MAGI3: variants seen among roughly 807,000 people sequenced by gnomAD.
MAGI3 encodes the protein membrane-associated guanylate kinase, WW and PDZ domain-containing protein 3.
Under a neutral mutation model 121.8 loss-of-function variants are expected in MAGI3, and 43 were observed. The ratio of observed to expected loss-of-function variants is 0.35; its 90% CI spans 0.28 to 0.46. The LOEUF is 0.46. Ranked by LOEUF, MAGI3 falls within the 20% of genes least tolerant of loss-of-function variation. The pLI is 1.00. For missense variants in MAGI3, 1,547 were observed against 1,797.3 expected, an observed-to-expected ratio of 0.86 and a Z score of 2.52; for synonymous variants, 553 against 639.3, an observed-to-expected ratio of 0.86 and a Z score of 2.04.
chr1:113,546,105 A>G (rs1372796082), intron 1 of MAGI3, among the ~76,000 whole-genome samples: 3 of 152,202 alleles, frequency 2.0e-5, no homozygotes, highest in Non-Finnish European at 2.9e-5. Flanking sequence ...TATCAAAGAG[A>G]GAACCATATA....
chr1:113,391,892 G>T lies in MAGI3; in HGVS notation c.316+543G>T, dbSNP rs528079428. 1.4e-4 allele frequency among the ~76,000 whole-genome samples: 21 copies of T among 152,354 alleles called. No individual in the cohort carries two copies. Among genetic ancestry groups the T allele is most frequent in the African/African-American group, 4.8e-4 (20 of 41,578 alleles). ...CTCTGTCAGTCCAGGTGGTTCAGGT[G>T]TCTGAGTACCGATGACGGTACAATA... On this transcript the variant is annotated intron_variant, in intron 1 of 20. Coordinates refer to ENST00000307546, the MANE Select transcript of MAGI3 (RefSeq NM_001142782.2). The surrounding 1 kb of genome is among the most constrained non-coding windows in gnomAD (Gnocchi z 4.4).
intron 8 of MAGI3, 145 bp downstream of exon 8, chr1:113,619,975 TAATA>T (rs1650720530): frequency 3.7e-6 from 2 of 533,642 alleles, no homozygotes; most frequent in South Asian, 2.9e-5. Context: ...TGAATAATCT[TAATA>T]AAACATCTGA....
Position 113,390,825 on chromosome 1 carries a change from A to C in MAGI3, c.-209A>C. On this transcript the variant is annotated 5_prime_UTR_variant, in exon 1 of 21. Transcript: ENST00000307546. ...TCGCGGAGTCCGGTCAGCCCCGGGGAGCGCAGCCGGGAGGGGCGTCCAAGG... is the reference window on the plus strand; with the variant it reads ...TCGCGGAGTCCGGTCAGCCCCGGGGCGCGCAGCCGGGAGGGGCGTCCAAGG... 3.9e-6 allele frequency: 1 copy of C among 254,260 alleles called. No homozygotes were observed. 15.8% of individuals were successfully genotyped at this position (254,260 alleles called of 1,614,324 possible). A position where few individuals can be genotyped will look rare whatever the true frequency, so the allele number is the denominator to read the frequency against.
At chr1:113,571,713 G>A (rs1162484216) in intron 2 of MAGI3, among the ~76,000 whole-genome samples, 3 of 152,084 alleles carry the variant, frequency 2.0e-5, no homozygotes, top group South Asian at 2.1e-4. Context: ...TGGTGTATAG[G>A]AATGCTTGTG....
chr1:113,391,105 GC>G lies in MAGI3; in HGVS notation c.77del (p.Pro26ArgfsTer49). 6.3e-7 allele frequency: 1 copy of G among 1,582,608 alleles called. No homozygotes were observed. The highest frequency in any genetic ancestry group is 8.6e-7 in the Non-Finnish European group (1 of 1,165,094). ...AGGAGTGCGCCGTGTCCTGGGCCGG[GC>G]CCCCGGGCGACTTCGGCGCGGAGAT... is the stretch of plus-strand genomic sequence containing the variant. ...VQECAVSWAG[P>X]PGDFGAEIRG... is the part of the protein sequence containing the mutation. On this transcript the variant is annotated frameshift_variant, in exon 1 of 21. Transcript: ENST00000307546. LOFTEE classifies it high-confidence loss of function. This position sits in a 1 kb window ranked among gnomAD's most constrained non-coding sequence, Gnocchi z 4.4.
At chr1:113,616,700 C>T (rs778630386) in intron 7 of MAGI3, among the ~76,000 whole-genome samples, 24 of 151,804 alleles carry the variant, frequency 1.6e-4, no homozygotes, top group East Asian at 5.8e-4. Context: ...TTTAGAAATG[C>T]GGTCTTGATT....
chr1:113,595,545 T>G (rs922999982), intron 6 of MAGI3, among the ~76,000 whole-genome samples: 1 of 152,062 alleles, frequency 6.6e-6, no homozygotes, highest in Non-Finnish European at 1.5e-5. Context: ...TAAACAGAAT[T>G]TCCACATATA....
intron 9 of MAGI3, among the ~76,000 whole-genome samples, chr1:113,623,218 G>C (rs1156614541): frequency 4.0e-5 from 6 of 151,626 alleles, no homozygotes; most frequent in African/African-American, 1.5e-4. Flanking sequence ...TATGATACAG[G>C]CATGCAATAA....
intron 1 of MAGI3, among the ~76,000 whole-genome samples, chr1:113,527,050 TACAGA>T (rs1658487822): frequency 6.6e-6 from 1 of 152,192 alleles, no homozygotes; most frequent in African/African-American, 2.4e-5. Flanking sequence ...TTAATATATG[TACAGA>T]ATTTAGAACA....
chr1:113,681,976 A>C (rs1384331993), intron 20 of MAGI3, among the ~76,000 whole-genome samples: 1 of 152,090 alleles, frequency 6.6e-6, no homozygotes, highest in Non-Finnish European at 1.5e-5. Flanking sequence ...ACACCCACGC[A>C]GTACTTGCCT....
intron 1 of MAGI3, among the ~76,000 whole-genome samples, chr1:113,478,849 C>T (rs190781809): frequency 8.4e-4 from 128 of 152,334 alleles, no homozygotes; most frequent in East Asian, 3.1e-3. Context: ...ATGCCCTGCT[C>T]ACAGAGGTGG....
chr1:113,636,649 T>C (rs1367710744), intron 9 of MAGI3, among the ~76,000 whole-genome samples: 6 of 152,124 alleles, frequency 3.9e-5, no homozygotes, highest in African/African-American at 1.2e-4. Flanking sequence ...TACTTCCAAC[T>C]ATGTGGTCAA....
In MAGI3 at chr1:113,535,299, TA is replaced by T. The variant is rs367941690; in HGVS notation, c.317-14206del. Reference sequence around the variant, plus strand: ...AAATGGTATACTTTTGTTGTTCGCTTAAAAAAAAAACCTCTCAATAGAAAGT... The same window carrying T: ...AAATGGTATACTTTTGTTGTTCGCTTAAAAAAAAACCTCTCAATAGAAAGT... On this transcript the variant is annotated intron_variant, in intron 1 of 20. Coordinates refer to ENST00000307546, the MANE Select transcript of MAGI3 (RefSeq NM_001142782.2). 2.3e-4 allele frequency among the ~76,000 whole-genome samples: 34 copies of T among 149,328 alleles called. No individual in the cohort carries two copies. The East Asian group carries it at 3.3e-3, about 15-fold the overall frequency.
Position 113,622,793 on chromosome 1 carries a change from C to T in MAGI3, c.1172-13C>T, listed in dbSNP as rs1650909677. 2 of 1,558,190 alleles carry T rather than the reference C, an allele frequency of 1.3e-6. No individual in the cohort carries two copies. Among genetic ancestry groups the T allele is most frequent in the African/African-American group, 1.4e-5 (1 of 70,968 alleles). On this transcript the variant is annotated splice_polypyrimidine_tract_variant and intron_variant, in intron 8 of 20. Coordinates refer to ENST00000307546, the MANE Select transcript of MAGI3 (RefSeq NM_001142782.2). The stretch of plus-strand genomic sequence containing the variant: ...TATTTTTGTTCTCAAACCCACTTCT[C>T]ATTTTGGCACAGATATGGAAAAATC...
rs563167329 is a variant in MAGI3, at chr1:113,597,119, C to T, written c.1018+2559C>T. 4.6e-5 allele frequency among the ~76,000 whole-genome samples: 7 copies of T among 152,252 alleles called. No individual in the cohort carries two copies. The South Asian group carries it at 1.2e-3, about 27-fold the overall frequency. Reference sequence around the variant, plus strand: ...GATAAATCAAATGTGCTATAACCTACAATGGAATACTATTGAGCAATAAAA... The same window carrying T: ...GATAAATCAAATGTGCTATAACCTATAATGGAATACTATTGAGCAATAAAA... On this transcript the variant is annotated intron_variant, in intron 6 of 20. Transcript: ENST00000307546.
Position 113,659,141 on chromosome 1 carries a change from G to A in MAGI3, c.2691G>A (p.Leu897=). ...GTCCGGCTGACCGCTGTGGAAAACT[G>A]AAAGTTGGAGATCATATCTCTGCAG... ...EGSPADRCGK[L]KVGDHISAVN... is the part of the protein sequence containing the mutation. Residue 897 remains leucine, a synonymous_variant, in exon 16 of 21, where the codon CTG becomes CTA. Transcript: ENST00000307546. 6.2e-7 allele frequency: 1 copy of A among 1,614,022 alleles called. No homozygotes were observed. Among genetic ancestry groups the A allele is most frequent in the Non-Finnish European group, 8.5e-7 (1 of 1,179,960 alleles).
intron 1 of MAGI3, among the ~76,000 whole-genome samples, chr1:113,517,142 A>T (rs1042080237): frequency 2.6e-5 from 4 of 151,948 alleles, no homozygotes; most frequent in African/African-American, 9.7e-5. Context: ...TAGGTAAAAA[A>T]TTAGGAAATT....
chr1:113,479,298 T>C (rs1197159546), intron 1 of MAGI3, among the ~76,000 whole-genome samples: 2 of 152,134 alleles, frequency 1.3e-5, no homozygotes, highest in African/African-American at 2.4e-5. Flanking sequence ...CGTACCTCAG[T>C]TGGAAATGCA....
intron 1 of MAGI3, chr1:113,404,441 GATAA>G (rs1330784859): frequency 2.0e-5 from 3 of 152,164 alleles, no homozygotes; most frequent in East Asian, 1.9e-4. Context: ...TAAAAACAAA[GATAA>G]ATACTCAAAA....
Sources: gnomAD v4.1 joint callset for allele counts (sites outside exome capture counted in the v4.1 genomes callset) on GRCh38, gnomAD v4.1.1 for gene constraint, Gnocchi (gnomAD v3.1) non-coding constraint, MANE v1.5 for transcripts, NCBI Gene and HGNC (gene_info 2026-07-23, HGNC 2026-07-21) for gene names.